Variants in EYS observed in about 807,000 individuals in gnomAD.
EYS encodes protein eyes shut homolog.
In EYS, 250 loss-of-function variants were observed where a neutral mutation model predicts 282.1. The observed-to-expected ratio is 0.89, with a 90% CI of 0.80 to 0.98. EYS has a LOEUF of 0.98. Among genes scored for constraint, EYS ranks in the 50% least tolerant of loss-of-function variants. EYS has a pLI of 0.00. For missense variants in EYS, 4,016 were observed against 3,709.0 expected, an observed-to-expected ratio of 1.08 and a Z score of -2.15; for synonymous variants, 1,355 against 1,282.9, an observed-to-expected ratio of 1.06 and a Z score of -1.20.
intron 5 of EYS, among the ~76,000 whole-genome samples, chr6:65,410,875 A>C (rs902093455): frequency 2.0e-5 from 3 of 151,980 alleles, no homozygotes; most frequent in Non-Finnish European, 4.4e-5. Context: ...ATATAAAATA[A>C]TTAAATTCTG....
At chr6:64,499,198 G>C (rs995075621) in intron 26 of EYS, among the ~76,000 whole-genome samples, 1 of 152,050 alleles carries the variant, frequency 6.6e-6, no homozygotes, top group Non-Finnish European at 1.5e-5. Context: ...ATCAAAATAA[G>C]CATAGAAGAT....
rs544714204 is a variant in EYS at position 64,736,440 on chromosome 6, T to G, written c.3443+76938A>C. On this transcript the variant is annotated intron_variant, in intron 22 of 42. Transcript: ENST00000503581. ...AGAAATAACTGAAATGTTAATTTCT[T>G]AAAACAGTCTTTACTCTTTTAGTGG... Among the ~76,000 whole-genome samples the G allele has an allele frequency of 4.6e-5, 7 of 152,302 alleles. No individual in the cohort carries two copies. In the South Asian group the frequency reaches 1.4e-3, roughly 32 times the overall value.
At chr6:63,929,418 G>T (rs1371392910) in intron 35 of EYS, among the ~76,000 whole-genome samples, 1 of 152,182 alleles carries the variant, frequency 6.6e-6, no homozygotes. Flanking sequence ...CTCTCCTTAG[G>T]TTAGAAGGAA....
intron 31 of EYS, among the ~76,000 whole-genome samples, chr6:64,123,897 G>T (rs1773675461): frequency 6.6e-6 from 1 of 152,198 alleles, no homozygotes; most frequent in South Asian, 2.1e-4. Flanking sequence ...CCAGGCTCCA[G>T]TGAAAATTCT....
chr6:64,395,206 T>C (rs1773318478), intron 28 of EYS, among the ~76,000 whole-genome samples: 1 of 152,040 alleles, frequency 6.6e-6, no homozygotes, highest in African/African-American at 2.4e-5. Context: ...AGTTCAACCA[T>C]TGTGGAAGTC....
At chr6:65,558,661 A>G (rs1768912914) in intron 2 of EYS, among the ~76,000 whole-genome samples, 2 of 152,230 alleles carry the variant, frequency 1.3e-5, no homozygotes, top group African/African-American at 4.8e-5. Flanking sequence ...CAACAAGAAT[A>G]CAGCAAGAAA....
intron 35 of EYS, among the ~76,000 whole-genome samples, chr6:63,905,334 T>C (rs979379012): frequency 7.5e-5 from 11 of 147,296 alleles, no homozygotes; most frequent in African/African-American, 1.0e-4. Flanking sequence ...TTTTTCTTTT[T>C]TTTTTTTTTT....
chr6:64,211,805 G>A (rs1385935147), intron 31 of EYS, among the ~76,000 whole-genome samples: 2 of 151,088 alleles, frequency 1.3e-5, no homozygotes, highest in Non-Finnish European at 2.9e-5. Context: ...ACATGATACT[G>A]TTTAACCTTC....
chr6:63,761,046 G>A (rs1270672086), intron 41 of EYS, among the ~76,000 whole-genome samples: 2 of 146,174 alleles, frequency 1.4e-5, no homozygotes, highest in African/African-American at 5.1e-5. Context: ...ATATTTAACC[G>A]ATTTTTTTTT....
At chr6:65,275,286 A>C (rs1321498483) in intron 12 of EYS, among the ~76,000 whole-genome samples, 3 of 152,188 alleles carry the variant, frequency 2.0e-5, no homozygotes, top group African/African-American at 7.2e-5. Context: ...CTTAGTCGGA[A>C]CTGAATTTTC....
intron 13 of EYS, among the ~76,000 whole-genome samples, chr6:65,035,865 T>C (rs1772752227): frequency 6.7e-6 from 1 of 148,360 alleles, no homozygotes; most frequent in South Asian, 2.1e-4. Context: ...TAATAATTTG[T>C]ATTATTAATA....
intron 35 of EYS, among the ~76,000 whole-genome samples, chr6:63,901,890 T>G (rs1773667869): frequency 6.6e-6 from 1 of 151,932 alleles, no homozygotes; most frequent in South Asian, 2.1e-4. Context: ...GGATTTTTAT[T>G]TATTTATTTA....
At chr6:64,075,020 T>C (rs995705683) in intron 32 of EYS, among the ~76,000 whole-genome samples, 3 of 151,996 alleles carry the variant, frequency 2.0e-5, no homozygotes, top group Admixed American at 2.0e-4. Context: ...AGCAGTCAGA[T>C]GATCTGTTTA....
chr6:63,807,260 A>T (rs1399546743), intron 36 of EYS, among the ~76,000 whole-genome samples: 1 of 152,122 alleles, frequency 6.6e-6, no homozygotes, highest in African/African-American at 2.4e-5. Flanking sequence ...TGTTCCTAGG[A>T]TCTATTTTTA....
At chr6:64,563,261 A>G (rs1227979327) in intron 26 of EYS, among the ~76,000 whole-genome samples, 1 of 152,018 alleles carries the variant, frequency 6.6e-6, no homozygotes, top group East Asian at 1.9e-4. Context: ...GCATAGTCTA[A>G]AGTTCTGACA....
Position 65,092,531 on chromosome 6 carries a change from G to GTTTTCAT in EYS, c.2024-34811_2024-34805dup, listed in dbSNP as rs1774604766. ...ATATAACAATCATCTTACTGCCAATGTTTTCATTTCACTAATTTCATTGAA... is the reference window on the plus strand; with the variant it reads ...ATATAACAATCATCTTACTGCCAATGTTTTCATTTTTCATTTCACTAATTTCATTGAA... On this transcript the variant is annotated intron_variant, in intron 12 of 42. Coordinates refer to ENST00000503581, the MANE Select transcript of EYS (RefSeq NM_001142800.2). Among the ~76,000 whole-genome samples, 6 of 152,212 alleles carry GTTTTCAT rather than the reference G, an allele frequency of 3.9e-5. No individual in the cohort carries two copies. The South Asian group carries it at 1.2e-3, about 32-fold the overall frequency.
chr6:64,410,055 G>A (rs1046887350), intron 28 of EYS, among the ~76,000 whole-genome samples: 1 of 151,992 alleles, frequency 6.6e-6, no homozygotes, highest in African/African-American at 2.4e-5. Context: ...ATTTATAATT[G>A]TAAAAATTAG....
At chr6:64,016,439 C>G (rs977354763) in intron 33 of EYS, among the ~76,000 whole-genome samples, 1 of 151,414 alleles carries the variant, frequency 6.6e-6, no homozygotes, top group Admixed American at 6.6e-5. Flanking sequence ...TAAACCTGTA[C>G]GTTGTAGCTC....
Position 63,721,372 on chromosome 6 carries a change from C to T in EYS, c.8659G>A (p.Gly2887Arg). The part of the protein sequence containing the change: ...TACGYNTCRN[G>R]GECTVNGTTF... ...GTGCCATTTACTGTACATTCACCTC[C>T]ATTTCTGCATGTGTTGTACCCACAG... Residue 2887 changes from glycine (G) to arginine (R), a missense_variant, in exon 43 of 43, where the codon GGA (glycine) becomes AGA (arginine). Gly to Arg is a moderately radical substitution (Grantham distance 125, BLOSUM62 -2). Transcript: ENST00000503581. The T allele has an allele frequency of 6.4e-7, 1 of 1,551,850 alleles. No homozygotes were observed. Among genetic ancestry groups the T allele is most frequent in the South Asian group, 1.2e-5 (1 of 84,064 alleles).
Sources: allele counts gnomAD v4.1 joint callset (sites outside exome capture counted in the v4.1 genomes callset), GRCh38; gene constraint gnomAD v4.1.1; transcripts MANE v1.5; gene names NCBI Gene and HGNC (gene_info 2026-07-23, HGNC 2026-07-21).